LDLRAD3: variants seen among roughly 807,000 people sequenced by gnomAD.
The protein encoded by LDLRAD3 is low density lipoprotein receptor class A domain containing 3, also known as low-density lipoprotein receptor class A domain-containing protein 3.
In LDLRAD3, 20 loss-of-function variants were observed where a neutral mutation model predicts 29.4. The ratio of observed to expected loss-of-function variants is 0.68; its 90% CI spans 0.48 to 0.99. LDLRAD3 has a LOEUF of 0.99. Among genes scored for constraint, LDLRAD3 ranks in the 50% least tolerant of loss-of-function variants. LDLRAD3 has a pLI of 0.00. For synonymous variants in LDLRAD3, 157 were observed against 192.7 expected, an observed-to-expected ratio of 0.81 and a Z score of 1.53; for missense variants, 420 against 454.3, an observed-to-expected ratio of 0.92 and a Z score of 0.69.
chr11:36,227,350 G>C lies in LDLRAD3; in HGVS notation c.720G>C (p.Gln240His). Residue 240 changes from glutamine (Q) to histidine (H), a missense_variant, in exon 5 of 6, where the codon CAG becomes CAC. This residue lies in a region of LDLRAD3 where 140 missense variants were observed against 139.9 expected (regional missense o/e 1.00). Transcript: ENST00000315571. Reference sequence around the variant, plus strand: ...CCTACAACGTCAATAATGGCATCCAGTATGTGGCCAGCCAGGCGGAGCAGA... The same window carrying C: ...CCTACAACGTCAATAATGGCATCCACTATGTGGCCAGCCAGGCGGAGCAGA... Reference protein sequence around the residue: ...NVTYNVNNGIQYVASQAEQNA... With the variant: ...NVTYNVNNGIHYVASQAEQNA... The C allele has an allele frequency of 6.2e-7, 1 of 1,614,106 alleles. No individual in the cohort carries two copies. Among genetic ancestry groups the C allele is most frequent in the Non-Finnish European group, 8.5e-7 (1 of 1,179,992 alleles).
chr11:36,078,974 G>T (rs1853064445), intron 2 of LDLRAD3, among the ~76,000 whole-genome samples: 1 of 152,320 alleles, frequency 6.6e-6, no homozygotes, highest in South Asian at 2.1e-4. Context: ...ACAGCGGAGA[G>T]CGAGGTTAAG....
At chr11:35,993,524 T>G (rs893900644) in intron 1 of LDLRAD3, among the ~76,000 whole-genome samples, 2 of 152,126 alleles carry the variant, frequency 1.3e-5, no homozygotes, top group African/African-American at 4.8e-5. Context: ...GAAAGTCAAA[T>G]TTAAGATAGG....
chr11:36,012,283 T>C (rs1010962302), intron 1 of LDLRAD3, among the ~76,000 whole-genome samples: 1 of 152,214 alleles, frequency 6.6e-6, no homozygotes, highest in African/African-American at 2.4e-5. Context: ...GCTATAACTT[T>C]TGCAGTTTGA....
At chr11:36,160,855 C>T (rs1173191130) in intron 4 of LDLRAD3, among the ~76,000 whole-genome samples, 1 of 150,918 alleles carries the variant, frequency 6.6e-6, no homozygotes, top group Non-Finnish European at 1.5e-5. Flanking sequence ...AGTGCAATGG[C>T]GCAATCTGGG....
At chr11:36,146,002 T>TAAAAAAAAAA (rs367591997) in intron 4 of LDLRAD3, among the ~76,000 whole-genome samples, 1 of 138,656 alleles carries the variant, frequency 7.2e-6, no homozygotes, top group African/African-American at 2.8e-5. Context: ...GAATGATCAA[T>TAAAAAAAAAA]AAAAAAAAGA....
At chr11:36,056,156 C>T (rs562713513) in intron 2 of LDLRAD3, among the ~76,000 whole-genome samples, 16 of 152,014 alleles carry the variant, frequency 1.1e-4, no homozygotes, top group African/African-American at 3.1e-4. Context: ...CCACTACGCC[C>T]GGCTAATTTT....
intron 1 of LDLRAD3, among the ~76,000 whole-genome samples, chr11:35,958,542 G>T (rs995315907): frequency 1.3e-5 from 2 of 152,068 alleles, no homozygotes; most frequent in Non-Finnish European, 2.9e-5. Flanking sequence ...TTGACCTTTG[G>T]TGTAGGTCAA....
chr11:36,061,852 G>C (rs1363533052), intron 2 of LDLRAD3, among the ~76,000 whole-genome samples: 1 of 152,032 alleles, frequency 6.6e-6, no homozygotes, highest in Non-Finnish European at 1.5e-5. Flanking sequence ...AATATCAACT[G>C]TATGTTTCAA....
chr11:35,983,951 G>A (rs769525296), intron 1 of LDLRAD3, among the ~76,000 whole-genome samples: 14 of 152,300 alleles, frequency 9.2e-5, no homozygotes, highest in East Asian at 7.7e-4. Flanking sequence ...AAGAGGTCAT[G>A]CTGGATTATC....
intron 1 of LDLRAD3, among the ~76,000 whole-genome samples, chr11:35,978,905 C>A (rs1851507136): frequency 6.6e-6 from 1 of 152,146 alleles, no homozygotes; most frequent in South Asian, 2.1e-4. Flanking sequence ...TGAACTTGGG[C>A]TCATTTTGGA....
chr11:35,975,209 C>T (rs1851460886), intron 1 of LDLRAD3, among the ~76,000 whole-genome samples: 1 of 152,182 alleles, frequency 6.6e-6, no homozygotes, highest in Non-Finnish European at 1.5e-5. Flanking sequence ...TGTTTCCATA[C>T]ATTTGGCCCC....
chr11:36,180,625 T>C (rs780670951), intron 4 of LDLRAD3, among the ~76,000 whole-genome samples: 6 of 151,708 alleles, frequency 4.0e-5, no homozygotes, highest in Non-Finnish European at 7.4e-5. Context: ...CAGTTTTGAG[T>C]GGAGGAGTAC....
intron 2 of LDLRAD3, among the ~76,000 whole-genome samples, chr11:36,045,638 C>G (rs1162321935): frequency 1.3e-5 from 2 of 151,730 alleles, no homozygotes; most frequent in Admixed American, 1.3e-4. Context: ...TGGGTGGGAC[C>G]TGGTGGGAGG....
chr11:36,010,268 G>T (rs1851938204), intron 1 of LDLRAD3: 1 of 154,400 alleles, frequency 6.5e-6, no homozygotes, highest in African/African-American at 2.4e-5. Context: ...TCCAAAGCCA[G>T]AGATGGATGA....
intron 2 of LDLRAD3, among the ~76,000 whole-genome samples, chr11:36,058,928 G>C (rs1852659960): frequency 6.6e-6 from 1 of 152,154 alleles, no homozygotes. Context: ...TTCATTCACA[G>C]CTCTCTGTCT....
At chr11:36,215,683 G>A (rs1238963794) in intron 4 of LDLRAD3, among the ~76,000 whole-genome samples, 4 of 152,264 alleles carry the variant, frequency 2.6e-5, no homozygotes, top group Non-Finnish European at 5.9e-5. Context: ...GGGTCGTTGT[G>A]TTCAGATCTG....
intron 4 of LDLRAD3, chr11:36,163,477 A>G (rs1372861977): frequency 6.6e-6 from 1 of 152,212 alleles, no homozygotes; most frequent in Non-Finnish European, 1.5e-5. Flanking sequence ...GTGACTGGGT[A>G]TAGTCAAGTG....
At chr11:36,115,838 A>G (rs552433243) in intron 4 of LDLRAD3, among the ~76,000 whole-genome samples, 43 of 152,310 alleles carry the variant, frequency 2.8e-4, no homozygotes, top group African/African-American at 9.6e-4. Context: ...GGAGAACATT[A>G]GATGTGAGAA....
At chr11:36,122,409 A>C (rs142864732) in intron 4 of LDLRAD3, among the ~76,000 whole-genome samples, 1 of 152,122 alleles carries the variant, frequency 6.6e-6, no homozygotes, top group African/African-American at 2.4e-5. Context: ...CAGATTTTCC[A>C]TCTGAAAAAT....
Sources: allele counts gnomAD v4.1 joint callset (sites outside exome capture counted in the v4.1 genomes callset), GRCh38; gene constraint gnomAD v4.1.1; regional missense constraint gnomAD v4.1.1; transcripts MANE v1.5; gene names NCBI Gene and HGNC (gene_info 2026-07-23, HGNC 2026-07-21).